Variants in GRAMD1B observed in about 807,000 individuals in gnomAD.
The protein encoded by GRAMD1B is protein Aster-B.
In GRAMD1B, 37 loss-of-function variants were observed where a neutral mutation model predicts 99.7. That is an observed-to-expected ratio of 0.37 (90% CI 0.29 to 0.49). GRAMD1B has a LOEUF of 0.49. Among genes scored for constraint, GRAMD1B ranks in the 20% least tolerant of loss-of-function variants. The pLI is 0.98. For missense variants in GRAMD1B, 888 were observed against 1,009.2 expected, an observed-to-expected ratio of 0.88 and a Z score of 1.63; for synonymous variants, 427 against 387.6, an observed-to-expected ratio of 1.10 and a Z score of -1.19.
At chr11:123,596,171 T>A (rs1592194870) in intron 7 of GRAMD1B, 134 bp downstream of exon 7, 1 of 563,780 alleles carries the variant, frequency 1.8e-6, no homozygotes, top group Non-Finnish European at 3.2e-6. Flanking sequence ...CGATGCAGAT[T>A]CCAGGAAGCA....
intron 1 of GRAMD1B, among the ~76,000 whole-genome samples, chr11:123,389,073 T>A (rs1947178574): frequency 6.6e-6 from 1 of 151,884 alleles, no homozygotes; most frequent in African/African-American, 2.4e-5. Context: ...CACAGTCTAA[T>A]CATGAGAAAA....
intron 1 of GRAMD1B, among the ~76,000 whole-genome samples, chr11:123,451,000 T>A (rs939535127): frequency 2.0e-5 from 3 of 152,084 alleles, no homozygotes; most frequent in Non-Finnish European, 4.4e-5. Flanking sequence ...TACCTTAAAC[T>A]GGGCTCCAAG....
chr11:123,578,710 T>G (rs1430176302), intron 3 of GRAMD1B, among the ~76,000 whole-genome samples: 1 of 152,210 alleles, frequency 6.6e-6, no homozygotes, highest in Non-Finnish European at 1.5e-5. Context: ...GCTGGGAGTT[T>G]ATTCCCTCCT....
chr11:123,378,998 G>C (rs148979853), intron 1 of GRAMD1B, among the ~76,000 whole-genome samples: 18 of 152,142 alleles, frequency 1.2e-4, no homozygotes, highest in African/African-American at 3.6e-4. Context: ...AGTTGGCAGG[G>C]CATGTGGAGT....
chr11:123,431,315 A>G, intron 1 of GRAMD1B, 149 bp downstream of exon 1: 1 of 590,124 alleles, frequency 1.7e-6, no homozygotes, highest in Non-Finnish European at 3.0e-6. Context: ...GCCTGGTCCC[A>G]GGGATGGTGG....
chr11:123,525,593 GA>G, intron 2 of GRAMD1B: 1 of 156,020 alleles, frequency 6.4e-6, no homozygotes, highest in Non-Finnish European at 1.4e-5. Context: ...TAAATGGGCG[GA>G]AGTGGCTGGC....
At chr11:123,401,695 A>G (rs993082955) in intron 1 of GRAMD1B, among the ~76,000 whole-genome samples, 6 of 152,188 alleles carry the variant, frequency 3.9e-5, no homozygotes, top group Non-Finnish European at 7.3e-5. Flanking sequence ...GAGAGCCTGG[A>G]CAGCATAGTG....
intron 1 of GRAMD1B, among the ~76,000 whole-genome samples, chr11:123,415,323 G>A (rs754162123): frequency 2.6e-5 from 4 of 151,812 alleles, no homozygotes; most frequent in African/African-American, 9.7e-5. Flanking sequence ...GGATGGTCTC[G>A]ATTTCTTGAT....
chr11:123,526,621 G>A (rs1404646042), intron 2 of GRAMD1B, among the ~76,000 whole-genome samples: 2 of 152,084 alleles, frequency 1.3e-5, no homozygotes, highest in East Asian at 1.9e-4. Flanking sequence ...CCTTTCTCAC[G>A]TCAGCTGCTT....
At chr11:123,467,251 G>A (rs1000075017) in intron 1 of GRAMD1B, among the ~76,000 whole-genome samples, 1 of 152,136 alleles carries the variant, frequency 6.6e-6, no homozygotes, top group Non-Finnish European at 1.5e-5. Context: ...GGGAGGCCGA[G>A]GTGGGAGGAT....
intron 2 of GRAMD1B, chr11:123,560,522 A>C: frequency 7.9e-7 from 1 of 1,269,250 alleles, no homozygotes; most frequent in Non-Finnish European, 1.0e-6. Flanking sequence ...TGGGATGGTC[A>C]TGGAGGTGAG....
At chr11:123,567,387 GTGATTTATGTC>G (rs1947509732) in intron 2 of GRAMD1B, among the ~76,000 whole-genome samples, 1 of 152,230 alleles carries the variant, frequency 6.6e-6, no homozygotes, top group South Asian at 2.1e-4. Context: ...TTTGGGTAAA[GTGATTTATGTC>G]TGATTTCTGA....
At chr11:123,619,263 G>A in intron 19 of GRAMD1B, 39 bp downstream of exon 19, 1 of 1,548,524 alleles carries the variant, frequency 6.5e-7, no homozygotes, top group Non-Finnish European at 8.7e-7. Context: ...CTGGTCTTTG[G>A]GAGCGGGGAC....
Position 123,360,511 on chromosome 11 carries a change from G to A in GRAMD1B, c.-176+1712G>A, listed in dbSNP as rs116175793. Among the ~76,000 whole-genome samples, 714 of 152,324 alleles carry A rather than the reference G, an allele frequency of 4.7e-3. 2 individuals are homozygous for A. Among genetic ancestry groups the A allele is most frequent in the African/African-American group, 0.016 (665 of 41,580 alleles). ...CAAGAGATCCAGGTCTCAAAAGGGC[G>A]TGTGGTAGTTTTAGTTTTTTCCGTC... On this transcript the variant is annotated intron_variant, in intron 1 of 20. Coordinates refer to the GRAMD1B transcript ENST00000638157.
chr11:123,553,991 G>A (rs953856058), intron 2 of GRAMD1B, among the ~76,000 whole-genome samples: 4 of 152,200 alleles, frequency 2.6e-5, no homozygotes, highest in African/African-American at 9.6e-5. Flanking sequence ...CAAACTTCCT[G>A]ACAGACTGTC....
At chr11:123,618,404 C>G in intron 17 of GRAMD1B, 1 of 1,564,950 alleles carries the variant, frequency 6.4e-7, no homozygotes, top group Non-Finnish European at 8.8e-7. Flanking sequence ...CTTTTCCTCC[C>G]CACCGTACCT....
At chr11:123,594,250 C>T in intron 5 of GRAMD1B, 84 bp downstream of exon 5, 1 of 890,248 alleles carries the variant, frequency 1.1e-6, no homozygotes, top group South Asian at 1.3e-5. Context: ...CTCTAGAGGC[C>T]TCAAGCCAAC....
intron 3 of GRAMD1B, chr11:123,578,334 C>A: frequency 7.9e-7 from 1 of 1,262,992 alleles, no homozygotes; most frequent in Non-Finnish European, 1.1e-6. Context: ...TTGAATTTGT[C>A]TTTTGATTTC....
rs148932521 is a variant in GRAMD1B, at chr11:123,480,303, C to G, written c.375-513C>G. 9.0e-3 allele frequency among the ~76,000 whole-genome samples: 1,369 copies of G among 152,246 alleles called. 11 individuals are homozygous for G. The highest frequency in any genetic ancestry group is 0.015 in the Non-Finnish European group (1,004 of 68,020). The stretch of plus-strand genomic sequence containing the variant: ...TAAGTGACCCCAGACCCCATCCAGC[C>G]TTTTGCCTTACTGGAGAAGCAGACT... On this transcript the variant is annotated intron_variant, in intron 1 of 19. Transcript: ENST00000635736.
Sources: allele counts gnomAD v4.1 joint callset (sites outside exome capture counted in the v4.1 genomes callset), GRCh38; gene constraint gnomAD v4.1.1; transcripts MANE v1.5; gene names NCBI Gene and HGNC (gene_info 2026-07-23, HGNC 2026-07-21).